TOX: variants seen among roughly 807,000 people sequenced by gnomAD.
TOX encodes thymocyte selection-associated high mobility group box protein TOX.
Under a neutral mutation model 53.7 loss-of-function variants are expected in TOX, and 11 were observed. That is an observed-to-expected ratio of 0.20 (90% CI 0.13 to 0.34). The LOEUF (loss-of-function observed/expected upper bound fraction) is 0.34. Ranked by LOEUF, TOX falls within the 10% of genes least tolerant of loss-of-function variation. The pLI, the probability that TOX is intolerant of heterozygous loss-of-function variation, is 1.00. For synonymous variants in TOX, 225 were observed against 245.3 expected, an observed-to-expected ratio of 0.92 and a Z score of 0.77; for missense variants, 570 against 664.6, an observed-to-expected ratio of 0.86 and a Z score of 1.56.
At chr8:59,087,668 T>A (rs1020318193) in intron 1 of TOX, among the ~76,000 whole-genome samples, 26 of 152,188 alleles carry the variant, frequency 1.7e-4, no homozygotes, top group African/African-American at 6.3e-4. Flanking sequence ...TTACTCAATC[T>A]TTCAGGGTAA....
chr8:59,091,577 T>C (rs1586013920), intron 1 of TOX, among the ~76,000 whole-genome samples: 1 of 152,312 alleles, frequency 6.6e-6, no homozygotes, highest in East Asian at 1.9e-4. Context: ...ACAAAACTGT[T>C]ACCTCATCTG....
intron 3 of TOX, among the ~76,000 whole-genome samples, chr8:58,886,730 T>C (rs1811474859): frequency 6.6e-6 from 1 of 152,100 alleles, no homozygotes; most frequent in Non-Finnish European, 1.5e-5. Flanking sequence ...TCTTAAGTTT[T>C]CCAAGTACAC....
intron 1 of TOX, among the ~76,000 whole-genome samples, chr8:59,012,182 T>C (rs1813918540): frequency 6.6e-6 from 1 of 152,158 alleles, no homozygotes; most frequent in African/African-American, 2.4e-5. Context: ...ATTAGGAATT[T>C]AATGGTGATT....
chr8:58,973,132 G>C (rs983134321), intron 1 of TOX, among the ~76,000 whole-genome samples: 4 of 152,102 alleles, frequency 2.6e-5, no homozygotes, highest in African/African-American at 4.8e-5. Context: ...AGTGCTAATA[G>C]GACCTTCCTC....
At chr8:58,904,727 T>C (rs1036105399) in intron 3 of TOX, among the ~76,000 whole-genome samples, 1 of 152,246 alleles carries the variant, frequency 6.6e-6, no homozygotes, top group Non-Finnish European at 1.5e-5. Flanking sequence ...TAATGAATTA[T>C]AATCAAAGCT....
At chr8:58,844,762 T>A (rs982984135) in intron 4 of TOX, among the ~76,000 whole-genome samples, 2 of 152,108 alleles carry the variant, frequency 1.3e-5, no homozygotes, top group South Asian at 2.1e-4. Flanking sequence ...GATTTCACCA[T>A]CAGTTAAAGC....
chr8:59,045,900 C>T (rs985812163), intron 1 of TOX, among the ~76,000 whole-genome samples: 1 of 152,202 alleles, frequency 6.6e-6, no homozygotes, highest in Admixed American at 6.5e-5. Context: ...TTCAGAGTGA[C>T]TTTACCAGAA....
At chr8:58,939,773 A>T (rs1812404301) in intron 2 of TOX, among the ~76,000 whole-genome samples, 1 of 152,184 alleles carries the variant, frequency 6.6e-6, no homozygotes, top group African/African-American at 2.4e-5. Flanking sequence ...AGGTGGTTTT[A>T]TTTTTCCAAA....
intron 1 of TOX, among the ~76,000 whole-genome samples, chr8:59,075,246 T>A (rs913700184): frequency 1.3e-5 from 2 of 152,118 alleles, no homozygotes; most frequent in South Asian, 4.2e-4. Flanking sequence ...GTTCAGAACA[T>A]GTCACTCCAA....
intron 3 of TOX, among the ~76,000 whole-genome samples, chr8:58,865,753 A>T (rs569336898): frequency 8.6e-5 from 13 of 151,436 alleles, no homozygotes; most frequent in African/African-American, 3.1e-4. Flanking sequence ...TGCCAGGGGA[A>T]TTTTTTAAAA....
chr8:59,047,535 C>T (rs1026860033), intron 1 of TOX, among the ~76,000 whole-genome samples: 1 of 151,660 alleles, frequency 6.6e-6, no homozygotes, highest in East Asian at 1.9e-4. Flanking sequence ...AATTGTTCTG[C>T]AAATAGAGCC....
intron 1 of TOX, among the ~76,000 whole-genome samples, chr8:59,102,569 G>A (rs781651047): frequency 3.2e-4 from 48 of 152,012 alleles, no homozygotes; most frequent in Non-Finnish European, 5.3e-4. Flanking sequence ...CGTGAGACCC[G>A]TTCACTATCA....
chr8:58,947,120 G>C (rs1046395632), intron 2 of TOX, among the ~76,000 whole-genome samples: 4 of 152,070 alleles, frequency 2.6e-5, no homozygotes, highest in Non-Finnish European at 4.4e-5. Flanking sequence ...TTTTAACCAT[G>C]CTATTCTAAG....
chr8:58,875,989 A>G (rs1811277194), intron 3 of TOX, among the ~76,000 whole-genome samples: 1 of 152,212 alleles, frequency 6.6e-6, no homozygotes, highest in South Asian at 2.1e-4. Flanking sequence ...TGGTCCTCAG[A>G]TCCTAGATTA....
chr8:58,834,640 G>T (rs1810518452), intron 5 of TOX, among the ~76,000 whole-genome samples: 1 of 152,228 alleles, frequency 6.6e-6, no homozygotes, highest in African/African-American at 2.4e-5. Flanking sequence ...TTTCAGGCAG[G>T]CACGTTTGCT....
At chr8:58,911,438 T>C (rs1330233169) in intron 3 of TOX, among the ~76,000 whole-genome samples, 1 of 152,244 alleles carries the variant, frequency 6.6e-6, no homozygotes, top group Non-Finnish European at 1.5e-5. Context: ...TATGTATGTA[T>C]ATATGCATAT....
chr8:58,840,419 T>C (rs1585854276), intron 4 of TOX, among the ~76,000 whole-genome samples: 1 of 152,280 alleles, frequency 6.6e-6, no homozygotes, highest in African/African-American at 2.4e-5. Flanking sequence ...GTGCTTGATA[T>C]TCGACAAACT....
intron 1 of TOX, among the ~76,000 whole-genome samples, chr8:59,013,345 A>G (rs551322998): frequency 6.6e-6 from 1 of 151,940 alleles, no homozygotes; most frequent in South Asian, 2.1e-4. Flanking sequence ...GAGGCTTCAG[A>G]TTATCTTAAA....
At position 58,851,723 on chromosome 8, in the gene TOX, G is replaced by C; in HGVS notation, c.494C>G (p.Ala165Gly). ...MAAMRPRGQP[A>G]DIRQQPGMMP... ...CATTCCTGGCTGCTGCCTGATGTCT[G>C]CAGGCTGGCCCCTTGGTCTCATGGC... is the stretch of plus-strand genomic sequence containing the variant. Residue 165 changes from alanine (A) to glycine (G), a missense_variant, in exon 4 of 9, where the codon GCA (alanine) becomes GGA (glycine). Transcript: ENST00000361421. This position sits in a 1 kb window ranked among gnomAD's most constrained non-coding sequence, Gnocchi z 4.4. 6.2e-7 allele frequency: 1 copy of C among 1,613,440 alleles called. No individual in the cohort carries two copies. The highest frequency in any genetic ancestry group is 8.5e-7 in the Non-Finnish European group (1 of 1,179,780).
Sources: gnomAD v4.1 joint callset for allele counts (sites outside exome capture counted in the v4.1 genomes callset) on GRCh38, gnomAD v4.1.1 for gene constraint, Gnocchi (gnomAD v3.1) non-coding constraint, MANE v1.5 for transcripts, NCBI Gene and HGNC (gene_info 2026-07-23, HGNC 2026-07-21) for gene names.